SYCP2: variants seen among roughly 807,000 people sequenced by gnomAD.
SYCP2 encodes synaptonemal complex protein 2, also known as synaptonemal complex lateral element protein.
SYCP2 carries 55 observed loss-of-function variants against 211.3 expected under a neutral mutation model. The observed-to-expected ratio is 0.26, with a 90% confidence interval of 0.21 to 0.33. The LOEUF (loss-of-function observed/expected upper bound fraction) is 0.33. SYCP2 is among the 10% of genes least tolerant of loss of function. The pLI is 1.00. For synonymous variants in SYCP2, 570 were observed against 555.2 expected (o/e 1.03, Z -0.37); for missense variants, 1,731 against 1,752.0 (o/e 0.99, Z 0.21).
chr20:59,894,554 A>C (rs1253037935), intron 20 of SYCP2, among the ~76,000 whole-genome samples: 1 of 151,968 alleles, frequency 6.6e-6, no homozygotes, highest in Non-Finnish European at 1.5e-5. Context: ...AAGACTACTA[A>C]GCTTTGAGAA....
chr20:59,920,075 T>C (rs980626476), intron 5 of SYCP2, among the ~76,000 whole-genome samples: 4 of 151,280 alleles, frequency 2.6e-5, no homozygotes, highest in South Asian at 4.1e-4. Flanking sequence ...AGACAAACAA[T>C]ATAAAAACAA....
At chr20:59,869,165 C>G (rs940810037) in intron 36 of SYCP2, among the ~76,000 whole-genome samples, 1 of 151,480 alleles carries the variant, frequency 6.6e-6, no homozygotes, top group Non-Finnish European at 1.5e-5. Context: ...TCCTGCTTTT[C>G]ATTTCTTTAT....
intron 15 of SYCP2, among the ~76,000 whole-genome samples, chr20:59,903,220 C>T (rs1350920710): frequency 6.6e-6 from 1 of 152,004 alleles, no homozygotes; most frequent in Non-Finnish European, 1.5e-5. Flanking sequence ...TATATAATGG[C>T]TTGGTTTCCT....
At chr20:59,866,219 AG>A in intron 41 of SYCP2, 73 bp downstream of exon 41, 1 of 954,710 alleles carries the variant, frequency 1.0e-6, no homozygotes, top group Non-Finnish European at 1.6e-6. Flanking sequence ...CTCCCAAAAA[AG>A]AAAGTTTTTC....
rs2145756798 is a variant in SYCP2, at chr20:59,896,522, T to C, written c.1411A>G (p.Thr471Ala). ...TCAGACATTTTTCTTTTGCTAGGAGTAGTTTTCTGAAACCACGATGAAAAA... is the reference window on the plus strand; with the variant it reads ...TCAGACATTTTTCTTTTGCTAGGAGCAGTTTTCTGAAACCACGATGAAAAA... ...NRNNSQLEKT[T>A]PSKRKMSEAS... The change falls in exon 19 of 45, where the codon ACT becomes GCT. Residue 471 changes from threonine (T) to alanine (A), a missense_variant. Transcript: ENST00000357552. 1 of 1,596,392 alleles carries C rather than the reference T, an allele frequency of 6.3e-7. No individual in the cohort carries two copies. Among genetic ancestry groups the C allele is most frequent in the East Asian group, 2.2e-5 (1 of 44,610 alleles).
Position 59,895,562 on chromosome 20 carries a change from G to A in SYCP2, c.1540C>T (p.Leu514=), listed in dbSNP as rs756240567. 5 of 1,613,056 alleles carry A rather than the reference G, an allele frequency of 3.1e-6. No individual in the cohort carries two copies. In the South Asian group the frequency reaches 4.4e-5, roughly 14 times the overall value. Residue 514 remains leucine, a synonymous_variant, in exon 20 of 45, where the codon CTG becomes TTG. Coordinates refer to ENST00000357552, the MANE Select transcript of SYCP2 (RefSeq NM_014258.4). Reference sequence around the variant, plus strand: ...TTCTCTGCAGAGCTCGTCATTTGCAGTGGTGGTTTAATTCTTCTTCTTCGT... The same window carrying A: ...TTCTCTGCAGAGCTCGTCATTTGCAATGGTGGTTTAATTCTTCTTCTTCGT... ...PPRRRRIKPP[L]QMTSSAEKPS...
chr20:59,924,489 A>C (rs1359122351), intron 2 of SYCP2, among the ~76,000 whole-genome samples: 1 of 151,962 alleles, frequency 6.6e-6, no homozygotes, highest in African/African-American at 2.4e-5. Context: ...GATTGTCCTC[A>C]AAGGATCAGT....
At chr20:59,919,011 T>G (rs914134874) in intron 7 of SYCP2, 147 bp downstream of exon 7, 25 of 434,514 alleles carry the variant, frequency 5.8e-5, no homozygotes, top group Non-Finnish European at 2.1e-5. Context: ...ATATTTATTA[T>G]CTGGCCCTTT....
intron 35 of SYCP2, among the ~76,000 whole-genome samples, chr20:59,873,450 G>A (rs139133935): frequency 0.012 from 1,802 of 152,250 alleles, 11 homozygotes; most frequent in Non-Finnish European, 0.019. Context: ...CGTCCCAGGA[G>A]GGACAGAGTG....
chr20:59,888,145 C>T (rs903095046), intron 24 of SYCP2, among the ~76,000 whole-genome samples: 3 of 151,734 alleles, frequency 2.0e-5, no homozygotes, highest in African/African-American at 7.3e-5. Context: ...GAACTACTTC[C>T]TAACTTAGTC....
At chr20:59,871,310 C>A (rs1212219090) in intron 35 of SYCP2, among the ~76,000 whole-genome samples, 1 of 151,806 alleles carries the variant, frequency 6.6e-6, no homozygotes, top group African/African-American at 2.4e-5. Flanking sequence ...AAAACAGAAA[C>A]AACTGATAAC....
chr20:59,907,401 A>T lies in SYCP2; in HGVS notation c.996T>A (p.Thr332=). ...ATATTTGTACTTTTTCCTCTGGCACAGTAACTGCTTCCCATTGATGATCCT... is the reference window on the plus strand; with the variant it reads ...ATATTTGTACTTTTTCCTCTGGCACTGTAACTGCTTCCCATTGATGATCCT... The part of the protein sequence containing the change: ...DNDDHQWEAV[T]VPEEKVQIYS... Residue 332 remains threonine (T), a synonymous_variant, in exon 15 of 45, where the codon ACT becomes ACA. Coordinates refer to ENST00000357552, the MANE Select transcript of SYCP2 (RefSeq NM_014258.4). 1 of 1,611,834 alleles carries T rather than the reference A, an allele frequency of 6.2e-7. No individual in the cohort carries two copies. The highest frequency in any genetic ancestry group is 1.1e-5 in the South Asian group (1 of 90,606).
intron 1 of SYCP2, among the ~76,000 whole-genome samples, chr20:59,933,011 G>A (rs908448239): frequency 3.9e-5 from 6 of 152,078 alleles, no homozygotes; most frequent in African/African-American, 1.2e-4. Flanking sequence ...CCTTTTCCCA[G>A]GGTCACCCCC....
rs763830772 is a variant in SYCP2, at chr20:59,920,431, T to C, written c.225A>G (p.Arg75=). 2.5e-6 allele frequency: 4 copies of C among 1,610,070 alleles called. No individual in the cohort carries two copies. In the South Asian group the frequency reaches 4.4e-5, roughly 18 times the overall value. The change falls in exon 5 of 45, where the codon AGA becomes AGG. Residue 75 remains arginine (R), a synonymous_variant. Coordinates refer to ENST00000357552, the MANE Select transcript of SYCP2 (RefSeq NM_014258.4). Reference sequence around the variant, plus strand: ...CCAATACACTGATATTTTTGCCACATCTTCCAACAGAAACCAAAATGGCTG... The same window carrying C: ...CCAATACACTGATATTTTTGCCACACCTTCCAACAGAAACCAAAATGGCTG... The part of the protein sequence containing the change: ...NVSAILVSVG[R]CGKNISVLGQ...
intron 14 of SYCP2, among the ~76,000 whole-genome samples, chr20:59,909,687 C>T (rs747800238): frequency 2.0e-5 from 3 of 152,206 alleles, no homozygotes; most frequent in Non-Finnish European, 4.4e-5. Context: ...GCCCTCTGTA[C>T]ATCTTTCAAT....
rs1340343897 is a variant in SYCP2, at chr20:59,875,252, A to T, written c.3349+19T>A. On this transcript the variant is annotated intron_variant, in intron 34 of 44. Transcript: ENST00000357552. Reference sequence around the variant, plus strand: ...AACTATTGAATATTCAAGTAAAGAAAAAACAAAGTTATACTGACATCTCGT... The same window carrying T: ...AACTATTGAATATTCAAGTAAAGAATAAACAAAGTTATACTGACATCTCGT... The T allele has an allele frequency of 1.3e-6, 2 of 1,526,848 alleles. No homozygotes were observed. The highest frequency in any genetic ancestry group is 3.9e-5 in the Admixed American group (2 of 51,626). The allele number at this position is 1,526,848 out of a possible 1,614,324, so 94.6% of individuals were successfully genotyped here. A position where few individuals can be genotyped will look rare whatever the true frequency, so the allele number is the denominator to read the frequency against.
In SYCP2 at chr20:59,892,041, C is replaced by T. The variant is rs1315585816; in HGVS notation, c.2313G>A (p.Glu771=). ...AATTAAGCTCAGAAGTCAATTCTTT[C>T]TCTGCTTTTCTATGACTTTGCACAT... The part of the protein sequence containing the change: ...SKNVQSHRKA[E]KELTSELNSW... The change falls in exon 24 of 45, where the codon GAG becomes GAA. Residue 771 remains glutamate (E), a synonymous_variant. Transcript: ENST00000357552. The T allele has an allele frequency of 6.2e-7, 1 of 1,605,908 alleles. No homozygotes were observed.
intron 31 of SYCP2, among the ~76,000 whole-genome samples, 170 bp downstream of exon 31, chr20:59,880,133 A>T (rs1040826145): frequency 6.6e-6 from 1 of 151,320 alleles, no homozygotes; most frequent in African/African-American, 2.4e-5. Flanking sequence ...AATAAATATA[A>T]CCGTATTACT....
chr20:59,866,990 A>C (rs183379857), intron 39 of SYCP2, among the ~76,000 whole-genome samples: 1 of 140,538 alleles, frequency 7.1e-6, no homozygotes, highest in Non-Finnish European at 1.5e-5. Context: ...AAGCTTCTCT[A>C]TTCAGATTAG....
Sources: allele counts gnomAD v4.1 joint callset (sites outside exome capture counted in the v4.1 genomes callset), GRCh38; gene constraint gnomAD v4.1.1; transcripts MANE v1.5; gene names NCBI Gene and HGNC (gene_info 2026-07-23, HGNC 2026-07-21).